TRPC4AP: variants seen among roughly 807,000 people sequenced by gnomAD.
TRPC4AP encodes short transient receptor potential channel 4-associated protein.
A neutral mutation model predicts 99.0 loss-of-function variants in TRPC4AP; 45 were observed. The ratio of observed to expected loss-of-function variants is 0.45; its 90% CI spans 0.36 to 0.58. TRPC4AP has a LOEUF of 0.58. Ranked by LOEUF, TRPC4AP falls within the 20% of genes least tolerant of loss-of-function variation. The pLI is 0.00. For synonymous variants in TRPC4AP, 408 were observed against 385.8 expected, an observed-to-expected ratio of 1.06 and a Z score of -0.67; for missense variants, 879 against 985.3, an observed-to-expected ratio of 0.89 and a Z score of 1.44.
chr20:35,040,177 G>A (rs868097682), intron 7 of TRPC4AP, among the ~76,000 whole-genome samples: 2 of 151,916 alleles, frequency 1.3e-5, no homozygotes, highest in African/African-American at 4.8e-5. Context: ...GTGGTGTGAT[G>A]GTTAATTTTA....
intron 5 of TRPC4AP, among the ~76,000 whole-genome samples, chr20:35,052,096 T>C (rs950647111): frequency 6.7e-6 from 1 of 148,764 alleles, no homozygotes; most frequent in Non-Finnish European, 1.5e-5. Context: ...GGTTTTTTTT[T>C]GGTTTTTTTT....
At chr20:35,054,590 G>A (rs2083782303) in intron 5 of TRPC4AP, among the ~76,000 whole-genome samples, 1 of 152,102 alleles carries the variant, frequency 6.6e-6, no homozygotes, top group Non-Finnish European at 1.5e-5. Flanking sequence ...CTCAATATAT[G>A]GGCGGGGCTT....
At chr20:35,018,718 C>G (rs2082815234) in intron 9 of TRPC4AP, among the ~76,000 whole-genome samples, 1 of 151,966 alleles carries the variant, frequency 6.6e-6, no homozygotes, top group Non-Finnish European at 1.5e-5. Flanking sequence ...AGGTCCAGCC[C>G]CGTAGCCTGC....
chr20:35,071,769 G>C (rs1033351542), intron 2 of TRPC4AP, among the ~76,000 whole-genome samples: 1 of 152,186 alleles, frequency 6.6e-6, no homozygotes. Context: ...CTTTATAGCA[G>C]CATGATTTAT....
intron 11 of TRPC4AP, among the ~76,000 whole-genome samples, chr20:35,012,008 T>G (rs988050600): frequency 6.6e-6 from 1 of 152,266 alleles, no homozygotes; most frequent in Non-Finnish European, 1.5e-5. Context: ...GCAGGGGCCA[T>G]GGCTGTTTGC....
chr20:35,016,784 C>T (rs1390146706), intron 9 of TRPC4AP, among the ~76,000 whole-genome samples: 2 of 152,174 alleles, frequency 1.3e-5, no homozygotes, highest in South Asian at 2.1e-4. Flanking sequence ...ATATGACAAA[C>T]AGAGAACATA....
chr20:35,077,055 C>G (rs1429526147), intron 2 of TRPC4AP, among the ~76,000 whole-genome samples: 4 of 152,222 alleles, frequency 2.6e-5, no homozygotes, highest in African/African-American at 9.6e-5. Context: ...GCATGGGACC[C>G]TCCAAGCCAG....
At chr20:35,085,197 C>T (rs1232813539) in intron 1 of TRPC4AP, among the ~76,000 whole-genome samples, 3 of 152,204 alleles carry the variant, frequency 2.0e-5, no homozygotes, top group Admixed American at 2.0e-4. Flanking sequence ...CAGGGCACTG[C>T]TGTTTTTTTG....
intron 7 of TRPC4AP, among the ~76,000 whole-genome samples, chr20:35,037,863 G>A (rs1318678695): frequency 6.6e-6 from 1 of 152,088 alleles, no homozygotes; most frequent in African/African-American, 2.4e-5. Context: ...ATGCTGTACA[G>A]GTTTGCAGCC....
chr20:35,023,089 C>T (rs765828887), intron 8 of TRPC4AP, among the ~76,000 whole-genome samples: 6 of 151,932 alleles, frequency 3.9e-5, no homozygotes, highest in Admixed American at 2.0e-4. Flanking sequence ...TATCTTTCCC[C>T]GTCATGTTAA....
chr20:35,036,025 T>C (rs1313049869), intron 7 of TRPC4AP, among the ~76,000 whole-genome samples: 1 of 152,076 alleles, frequency 6.6e-6, no homozygotes, highest in Non-Finnish European at 1.5e-5. Flanking sequence ...ACTAGCAGGA[T>C]GAAAGATAAA....
intron 3 of TRPC4AP, among the ~76,000 whole-genome samples, chr20:35,060,407 TGAGACC>T: frequency 4.6e-5 from 7 of 151,776 alleles, no homozygotes; most frequent in African/African-American, 1.7e-4. Flanking sequence ...GGCAACATAG[TGAGACC>T]CTGTCTCTAC....
Position 35,057,587 on chromosome 20 carries a change from G to A in TRPC4AP, c.415-16C>T. The A allele has an allele frequency of 6.3e-7, 1 of 1,591,434 alleles. No individual in the cohort carries two copies. The highest frequency in any genetic ancestry group is 8.6e-7 in the Non-Finnish European group (1 of 1,162,254). On this transcript the variant is annotated splice_polypyrimidine_tract_variant and intron_variant, in intron 3 of 18. Transcript: ENST00000252015. ...CTACAAGAAGCTATAAAAAAAATTA[G>A]ATAAAATCTTCAAAATTAATTCAAA... is the stretch of plus-strand genomic sequence containing the variant.
At chr20:35,051,544 T>C (rs191495043) in intron 5 of TRPC4AP, among the ~76,000 whole-genome samples, 115 of 148,504 alleles carry the variant, frequency 7.7e-4, no homozygotes, top group African/African-American at 2.8e-3. Flanking sequence ...TCACATTAAA[T>C]AGGACACTAA....
chr20:35,002,730 G>T lies in TRPC4AP; in HGVS notation c.*416C>A. 1 of 182,902 alleles carries T rather than the reference G, an allele frequency of 5.5e-6. No individual in the cohort carries two copies. Among genetic ancestry groups the T allele is most frequent in the Middle Eastern group, 2.5e-3 (1 of 400 alleles). The allele number at this position is 182,902 out of a possible 1,614,324, so 11.3% of individuals were successfully genotyped here. A position where few individuals can be genotyped will look rare whatever the true frequency, so the allele number is the denominator to read the frequency against. On this transcript the variant is annotated 3_prime_UTR_variant, in exon 19 of 19. Coordinates refer to ENST00000252015, the MANE Select transcript of TRPC4AP (RefSeq NM_015638.3). ...CCCTGCCCAGGGCTCAGAAGCCTTT[G>T]CCTGGGTCCAAAGGCCAGGGACAAG...
intron 3 of TRPC4AP, among the ~76,000 whole-genome samples, chr20:35,061,787 CT>C (rs1441059175): frequency 6.6e-6 from 1 of 151,982 alleles, no homozygotes; most frequent in Non-Finnish European, 1.5e-5. Context: ...TCTTTGTGAC[CT>C]TGGATTAGGA....
At chr20:35,043,270 G>A (rs573983567) in intron 7 of TRPC4AP, among the ~76,000 whole-genome samples, 12 of 146,894 alleles carry the variant, frequency 8.2e-5, no homozygotes, top group African/African-American at 2.8e-4. Flanking sequence ...TTTTTGAGAC[G>A]GAGTCTAATT....
chr20:35,058,712 C>CA (rs1403950168), intron 3 of TRPC4AP, among the ~76,000 whole-genome samples: 1 of 93,880 alleles, frequency 1.1e-5, no homozygotes, highest in Non-Finnish European at 1.9e-5. Flanking sequence ...TTTTTTGAGA[C>CA]AGAGTCTTGC....
chr20:35,012,758 C>T (rs1370828770), intron 11 of TRPC4AP, among the ~76,000 whole-genome samples: 2 of 152,160 alleles, frequency 1.3e-5, no homozygotes, highest in African/African-American at 2.4e-5. Flanking sequence ...AAGGGGCCAA[C>T]GACTTCCATA....
Sources: allele counts gnomAD v4.1 joint callset (sites outside exome capture counted in the v4.1 genomes callset), GRCh38; gene constraint gnomAD v4.1.1; transcripts MANE v1.5; gene names NCBI Gene and HGNC (gene_info 2026-07-23, HGNC 2026-07-21).